PSMB3: variants seen among roughly 807,000 people sequenced by gnomAD.
The protein encoded by PSMB3 is proteasome 20S subunit beta 3.
Under a neutral mutation model 23.3 loss-of-function variants are expected in PSMB3, and 5 were observed. That is an observed-to-expected ratio of 0.21 (90% confidence interval 0.11 to 0.45). The LOEUF is 0.45. Among genes scored for constraint, PSMB3 ranks in the 20% least tolerant of loss-of-function variants. PSMB3 has a pLI of 0.99. For synonymous variants in PSMB3, 85 were observed against 99.8 expected (o/e 0.85, Z 0.88); for missense variants, 192 against 277.9 (o/e 0.69, Z 2.20).
intron 3 of PSMB3, among the ~76,000 whole-genome samples, chr17:38,758,694 G>A (rs898351012): frequency 5.9e-5 from 9 of 152,192 alleles, no homozygotes; most frequent in East Asian, 1.9e-4. Flanking sequence ...TGAACTGTGC[G>A]TGTGTATGTG....
At position 38,755,965 on chromosome 17, in the gene PSMB3, G is replaced by C; in HGVS notation, c.271G>C (p.Val91Leu). The part of the protein sequence containing the change: ...QIKPYTLMSM[V>L]ANLLYEKRFG... ...CAAACCTTATACCCTCATGAGCATG[G>C]TGGCCAACCTCTTGTATGAGAAACG... The change falls in exon 3 of 6, where the codon GTG becomes CTG. Residue 91 changes from valine to leucine, a missense_variant. Coordinates refer to ENST00000619426, the MANE Select transcript of PSMB3 (RefSeq NM_002795.4). 1 of 1,613,972 alleles carries C rather than the reference G, an allele frequency of 6.2e-7. No individual in the cohort carries two copies. The highest frequency in any genetic ancestry group is 8.5e-7 in the Non-Finnish European group (1 of 1,179,900).
Position 38,762,518 on chromosome 17 carries a change from TG to T in PSMB3, c.569+16del, listed in dbSNP as rs1436564486. On this transcript the variant is annotated intron_variant, in intron 5 of 5. Coordinates refer to ENST00000619426, the MANE Select transcript of PSMB3 (RefSeq NM_002795.4). ...TTGTCCACATCATGTGAGTATGGGC[TG>T]GGAGAAGTCTAGAAGCTCTGCAGAC... 6.2e-7 allele frequency: 1 copy of T among 1,609,822 alleles called. No individual in the cohort carries two copies. Among genetic ancestry groups the T allele is most frequent in the Non-Finnish European group, 8.5e-7 (1 of 1,176,076 alleles).
At chr17:38,763,497 C>CT (rs67563765) in intron 5 of PSMB3, among the ~76,000 whole-genome samples, 19,354 of 76,194 alleles carry the variant, frequency 0.25, 2,664 homozygotes, top group South Asian at 0.46. Flanking sequence ...CTTCTTCCCC[C>CT]TTTTTTTTTT....
chr17:38,753,566 C>T (rs1453774234), intron 2 of PSMB3, among the ~76,000 whole-genome samples: 4 of 152,090 alleles, frequency 2.6e-5, no homozygotes, highest in African/African-American at 9.7e-5. Context: ...GCAACCTCCA[C>T]CTCCCAGGCT....
intron 2 of PSMB3, among the ~76,000 whole-genome samples, chr17:38,753,831 C>T (rs963479574): frequency 7.2e-5 from 11 of 152,168 alleles, no homozygotes; most frequent in Admixed American, 1.3e-4. Context: ...CCAATAGAAA[C>T]ATCTTGCAAG....
At chr17:38,761,074 G>A (rs1451241193) in intron 4 of PSMB3, among the ~76,000 whole-genome samples, 5 of 151,600 alleles carry the variant, frequency 3.3e-5, no homozygotes, top group South Asian at 2.1e-4. Context: ...AGGAAGCCGG[G>A]CGCGGTGGCT....
rs925521664 is a variant in PSMB3 at position 38,752,766 on chromosome 17, A to G, written c.-61A>G. The G allele has an allele frequency of 6.2e-7, 1 of 1,608,594 alleles. No individual in the cohort carries two copies. The highest frequency in any genetic ancestry group is 8.5e-7 in the Non-Finnish European group (1 of 1,174,934). Reference sequence around the variant, plus strand: ...AGCAGTGAGAGCGGTTGCGCAGTGAAGGCTAGACCCGGTTTACTGGAATTG... The same window carrying G: ...AGCAGTGAGAGCGGTTGCGCAGTGAGGGCTAGACCCGGTTTACTGGAATTG... On this transcript the variant is annotated 5_prime_UTR_variant, in exon 1 of 6. Transcript: ENST00000619426. The surrounding 1 kb of genome is among the most constrained non-coding windows in gnomAD (Gnocchi z 5.5).
intron 3 of PSMB3, among the ~76,000 whole-genome samples, chr17:38,757,906 A>G (rs1171530464): frequency 2.0e-5 from 3 of 152,042 alleles, no homozygotes; most frequent in Admixed American, 6.6e-5. Context: ...CGCCCACCTC[A>G]GCCTCCCAAA....
At chr17:38,761,149 G>A (rs1253278409) in intron 4 of PSMB3, among the ~76,000 whole-genome samples, 1 of 151,850 alleles carries the variant, frequency 6.6e-6, no homozygotes, top group Non-Finnish European at 1.5e-5. Context: ...TTGGAGCTCA[G>A]GACCAGCCTG....
chr17:38,759,081 T>A (rs1284709336), intron 3 of PSMB3, among the ~76,000 whole-genome samples: 1 of 152,144 alleles, frequency 6.6e-6, no homozygotes, highest in Non-Finnish European at 1.5e-5. Context: ...TGTGATCCAA[T>A]AAGACATATG....
In PSMB3 at chr17:38,760,473, C is replaced by T. The variant is rs777351426; in HGVS notation, c.339C>T (p.Asp113=). Residue 113 remains aspartate (D), a synonymous_variant, in exon 4 of 6, where the codon GAC becomes GAT. Coordinates refer to ENST00000619426, the MANE Select transcript of PSMB3 (RefSeq NM_002795.4). The stretch of plus-strand genomic sequence containing the variant: ...CTGAGCCAGTCATTGCCGGGTTGGA[C>T]CCGAAGACCTTTAAGCCCTTCATTT... ...YYTEPVIAGL[D]PKTFKPFICS... The T allele has an allele frequency of 4.3e-6, 7 of 1,614,114 alleles. No individual in the cohort carries two copies. The African/African-American group carries it at 9.3e-5, about 22-fold the overall frequency.
rs11654978 is a variant in PSMB3, at chr17:38,752,778, G to A, written c.-49G>A. The A allele has an allele frequency of 3.7e-3, 5,945 of 1,613,460 alleles. 197 individuals carry two copies. The African/African-American group carries it at 0.071, about 19-fold the overall frequency. On this transcript the variant is annotated 5_prime_UTR_variant, in exon 1 of 6. Coordinates refer to ENST00000619426, the MANE Select transcript of PSMB3 (RefSeq NM_002795.4). The surrounding 1 kb of genome is among the most constrained non-coding windows in gnomAD (Gnocchi z 5.5). ...GGTTGCGCAGTGAAGGCTAGACCCG[G>A]TTTACTGGAATTGCTCTGGCGATCG... is the stretch of plus-strand genomic sequence containing the variant.
chr17:38,752,811 C>CT lies in PSMB3; in HGVS notation c.-15dup. ...GAATTGCTCTGGCGATCGAGGGATC[C>CT]TAGTACACCGCAATCATGGTGAGAT... On this transcript the variant is annotated 5_prime_UTR_variant, in exon 1 of 6. Transcript: ENST00000619426. The surrounding 1 kb of genome is among the most constrained non-coding windows in gnomAD (Gnocchi z 5.5). 1 of 1,614,022 alleles carries CT rather than the reference C, an allele frequency of 6.2e-7. No individual in the cohort carries two copies. The highest frequency in any genetic ancestry group is 8.5e-7 in the Non-Finnish European group (1 of 1,179,990).
At position 38,760,546 on chromosome 17, in the gene PSMB3, G is replaced by T. The variant is rs886887432; in HGVS notation, c.412G>T (p.Val138Phe). 1 of 1,614,136 alleles carries T rather than the reference G, an allele frequency of 6.2e-7. No homozygotes were observed. The highest frequency in any genetic ancestry group is 8.5e-7 in the Non-Finnish European group (1 of 1,180,050). Residue 138 changes from valine (V) to phenylalanine (F), a missense_variant, in exon 4 of 6, where the codon GTC (valine) becomes TTC (phenylalanine). Val to Phe is a conservative substitution (Grantham distance 50). Transcript: ENST00000619426. ...CCCCATGGTGACTGATGACTTTGTG[G>T]TCAGTGGCACCTGCGCCGAACAAAT... ...GCPMVTDDFV[V>F]SGTCAEQMYG...
In PSMB3 at chr17:38,752,877, C is replaced by G. The variant is rs1907995594; in HGVS notation, c.3+48C>G. ...AGGGGCATGGGGAAGGATTGAGAAG[C>G]GGAGGGGGTCAGGAGAGGCTTGGGG... On this transcript the variant is annotated intron_variant, in intron 1 of 5. Coordinates refer to ENST00000619426, the MANE Select transcript of PSMB3 (RefSeq NM_002795.4). The surrounding 1 kb of genome is among the most constrained non-coding windows in gnomAD (Gnocchi z 5.5). 6.2e-7 allele frequency: 1 copy of G among 1,610,374 alleles called. No homozygotes were observed. The highest frequency in any genetic ancestry group is 1.3e-5 in the African/African-American group (1 of 74,678).
At chr17:38,757,380 G>A (rs1304485617) in intron 3 of PSMB3, among the ~76,000 whole-genome samples, 4 of 151,842 alleles carry the variant, frequency 2.6e-5, no homozygotes, top group Non-Finnish European at 5.9e-5. Context: ...TTAGCTGGGT[G>A]TGGTGGTGCA....
intron 3 of PSMB3, among the ~76,000 whole-genome samples, chr17:38,758,730 C>T (rs1343943995): frequency 6.6e-6 from 1 of 152,180 alleles, no homozygotes; most frequent in African/African-American, 2.4e-5. Context: ...AGAGCTATAA[C>T]TGAAGATCAT....
At chr17:38,761,178 C>T (rs1908417348) in intron 4 of PSMB3, among the ~76,000 whole-genome samples, 1 of 151,578 alleles carries the variant, frequency 6.6e-6, no homozygotes, top group East Asian at 1.9e-4. Flanking sequence ...GGAGAAACCC[C>T]GTCTCTACTA....
chr17:38,761,457 G>A (rs1474268378), intron 4 of PSMB3, among the ~76,000 whole-genome samples: 1 of 152,126 alleles, frequency 6.6e-6, no homozygotes, highest in Non-Finnish European at 1.5e-5. Context: ...GACGGCGAGG[G>A]TCGGCTGTCG....
Sources: gnomAD v4.1 joint callset for allele counts (sites outside exome capture counted in the v4.1 genomes callset) on GRCh38, gnomAD v4.1.1 for gene constraint, Gnocchi (gnomAD v3.1) non-coding constraint, MANE v1.5 for transcripts, NCBI Gene and HGNC (gene_info 2026-07-23, HGNC 2026-07-21) for gene names.